Variants in C9 observed in about 807,000 individuals in gnomAD.
The protein encoded by C9 is complement component C9.
C9 carries 63 observed loss-of-function variants against 65.4 expected under a neutral mutation model. The observed-to-expected ratio is 0.96, with a 90% CI of 0.79 to 1.19. The LOEUF is 1.19. C9 is among the 50% of genes most tolerant of loss of function. The probability of loss-of-function intolerance (pLI) is 0.00; values close to 1 mark genes in which losing one functional copy is unlikely to be tolerated. For missense variants in C9, 744 were observed against 670.1 expected (o/e 1.11, Z -1.22); for synonymous variants, 229 against 227.9 (o/e 1.00, Z -0.04).
intron 1 of C9, 121 bp from the exon 2 acceptor site, chr5:39,342,317 T>C: frequency 1.6e-6 from 1 of 641,612 alleles, no homozygotes; most frequent in Non-Finnish European, 2.9e-6. Flanking sequence ...CTTATCTTTT[T>C]ACTATATCTC....
intron 4 of C9, among the ~76,000 whole-genome samples, chr5:39,336,601 A>G (rs1420381185): frequency 1.3e-5 from 2 of 152,130 alleles, no homozygotes; most frequent in Non-Finnish European, 1.5e-5. Context: ...TTAAATTAAT[A>G]TGTTGGTTCC....
Position 39,341,610 on chromosome 5 carries a change from C to T in C9, c.274G>A (p.Glu92Lys). Residue 92 changes from glutamate to lysine, a missense_variant, in exon 3 of 11, where the codon GAG becomes AAG. Coordinates refer to ENST00000263408, the MANE Select transcript of C9 (RefSeq NM_001737.5). ...VGDRRQCVPT[E>K]PCEDAEDDCG... ...TCATCCTCAGCATCCTCACAGGGCT[C>T]TGTGGGCACACACTGTCGTCTGTCT... The T allele has an allele frequency of 6.2e-7, 1 of 1,614,138 alleles. No homozygotes were observed. The highest frequency in any genetic ancestry group is 1.7e-4 in the Middle Eastern group (1 of 6,060).
chr5:39,347,388 A>G (rs1446760868), intron 1 of C9, among the ~76,000 whole-genome samples: 1 of 152,210 alleles, frequency 6.6e-6, no homozygotes, highest in Non-Finnish European at 1.5e-5. Context: ...ACAGACAAAC[A>G]GAGAGCCAAA....
At chr5:39,352,080 G>T (rs1297390222) in intron 1 of C9, among the ~76,000 whole-genome samples, 9 of 152,100 alleles carry the variant, frequency 5.9e-5, no homozygotes, top group Non-Finnish European at 1.3e-4. Flanking sequence ...ATGGTGGAAG[G>T]GTGAAGGGGA....
intron 4 of C9, among the ~76,000 whole-genome samples, chr5:39,339,639 T>G (rs1343487680): frequency 6.8e-6 from 1 of 146,624 alleles, no homozygotes; most frequent in Non-Finnish European, 1.5e-5. Flanking sequence ...CTCCAGATAC[T>G]GTCTTTTCTC....
intron 10 of C9, among the ~76,000 whole-genome samples, chr5:39,287,243 T>G (rs1753005430): frequency 6.6e-6 from 1 of 151,976 alleles, no homozygotes; most frequent in South Asian, 2.1e-4. Context: ...TTTTGAGGTT[T>G]TAGTTATAAA....
intron 6 of C9, among the ~76,000 whole-genome samples, chr5:39,311,995 G>A (rs1753493038): frequency 1.3e-5 from 2 of 152,098 alleles, no homozygotes; most frequent in African/African-American, 4.8e-5. Context: ...CTAAGCTGTG[G>A]TCAGATAAAT....
rs191850540 is a variant in C9 at position 39,315,787 on chromosome 5, A to G, written c.858T>C (p.Tyr286=). 6.2e-7 allele frequency: 1 copy of G among 1,600,634 alleles called. No individual in the cohort carries two copies. The highest frequency in any genetic ancestry group is 2.2e-5 in the East Asian group (1 of 44,710). ...TGTTTTGTCTTACCTTCTTTGAAGA[A>G]TATGACAAAAATAGTTGGTAAGTTT... The part of the protein sequence containing the change: ...KNETYQLFLS[Y]SSKKEKMFLH... The change falls in exon 6 of 11, where the codon TAT becomes TAC. Residue 286 remains tyrosine (Y), a synonymous_variant. Transcript: ENST00000263408.
At position 39,308,343 on chromosome 5, in the gene C9, T is replaced by G. The variant is rs1753418172; in HGVS notation, c.1127A>C (p.Asp376Ala). The G allele has an allele frequency of 6.3e-7, 1 of 1,594,424 alleles. No individual in the cohort carries two copies. Among genetic ancestry groups the G allele is most frequent in the Non-Finnish European group, 8.6e-7 (1 of 1,162,260 alleles). The change falls in exon 8 of 11, where the codon GAC becomes GCC. Residue 376 changes from aspartate (D) to alanine (A), a missense_variant. Coordinates refer to ENST00000263408, the MANE Select transcript of C9 (RefSeq NM_001737.5). The part of the protein sequence containing the change: ...SMKRKGVELK[D>A]IKRCLGYHLD... ...ATGATACCCAAGGCATCTCTTTATGTCTTTTAGTTCAACACCTGTTTAATG... is the reference window on the plus strand; with the variant it reads ...ATGATACCCAAGGCATCTCTTTATGGCTTTTAGTTCAACACCTGTTTAATG...
chr5:39,334,732 G>A lies in C9; in HGVS notation c.477-2918C>T, dbSNP rs372419442. Among the ~76,000 whole-genome samples, 933 of 151,380 alleles carry A rather than the reference G, an allele frequency of 6.2e-3. 19 individuals carry two copies. Among genetic ancestry groups the A allele is most frequent in the African/African-American group, 0.021 (846 of 41,004 alleles). ...CCCCGCCTGGCCAGCCACCCCGTCC[G>A]GGAGGTGAGGGGCGCCTCTGCCCGG... is the stretch of plus-strand genomic sequence containing the variant. On this transcript the variant is annotated intron_variant, in intron 4 of 10. Coordinates refer to ENST00000263408, the MANE Select transcript of C9 (RefSeq NM_001737.5).
rs369467784 is a variant in C9, at chr5:39,315,869, G to A, written c.776C>T (p.Ala259Val). 9.3e-6 allele frequency: 15 copies of A among 1,611,530 alleles called. No homozygotes were observed. The highest frequency in any genetic ancestry group is 2.7e-5 in the African/African-American group (2 of 74,976). ...CTTGCCATGTAAAGAAATTGAGGAGGCTGTTTCCTCACAACATTGTTCAGC... is the reference window on the plus strand; with the variant it reads ...CTTGCCATGTAAAGAAATTGAGGAGACTGTTTCCTCACAACATTGTTCAGC... Reference protein sequence around the residue: ...NKAEQCCEETASSISLHGKGS... With the variant: ...NKAEQCCEETVSSISLHGKGS... Residue 259 changes from alanine to valine, a missense_variant, in exon 6 of 11, where the codon GCC becomes GTC. Transcript: ENST00000263408.
intron 7 of C9, among the ~76,000 whole-genome samples, chr5:39,308,989 C>T (rs1392553052): frequency 1.3e-5 from 2 of 152,222 alleles, no homozygotes; most frequent in East Asian, 3.9e-4. Flanking sequence ...TGGTTCATCG[C>T]TTTGGACAGA....
intron 7 of C9, among the ~76,000 whole-genome samples, chr5:39,310,183 G>A (rs979315491): frequency 9.9e-5 from 15 of 152,066 alleles, no homozygotes; most frequent in African/African-American, 3.6e-4. Flanking sequence ...GCTGACCTTG[G>A]GGAGAATATC....
intron 9 of C9, among the ~76,000 whole-genome samples, chr5:39,302,866 T>C (rs1300110058): frequency 1.3e-5 from 2 of 152,158 alleles, no homozygotes; most frequent in Non-Finnish European, 2.9e-5. Context: ...ACCAATCAGG[T>C]AGAAGAACTC....
chr5:39,334,370 G>A (rs1414514103), intron 4 of C9, among the ~76,000 whole-genome samples: 3 of 148,816 alleles, frequency 2.0e-5, no homozygotes, highest in Non-Finnish European at 4.4e-5. Context: ...GAGACCCTCT[G>A]CCTGGCAACC....
chr5:39,353,020 T>C (rs982341840), intron 1 of C9, among the ~76,000 whole-genome samples: 23 of 152,136 alleles, frequency 1.5e-4, no homozygotes, highest in Admixed American at 1.5e-3. Flanking sequence ...ACACGGGCTC[T>C]TTAAAGGAGA....
At chr5:39,334,760 G>T (rs1345200188) in intron 4 of C9, among the ~76,000 whole-genome samples, 1 of 149,940 alleles carries the variant, frequency 6.7e-6, no homozygotes. Flanking sequence ...CTGCCCGGCC[G>T]CCCCTACTGG....
At position 39,284,259 on chromosome 5, in the gene C9, C is replaced by T. The variant is rs1752948245; in HGVS notation, c.*940G>A. 1 of 150,872 alleles carries T rather than the reference C, an allele frequency of 6.6e-6. No homozygotes were observed. The highest frequency in any genetic ancestry group is 2.4e-5 in the African/African-American group (1 of 40,950). 9.3% of individuals were successfully genotyped at this position (150,872 alleles called of 1,614,324 possible). ...ATTTTTTTATTTTGATATATTTTTC[C>T]TCTTTTCTTTCTTTCTTTCCTTTTT... On this transcript the variant is annotated 3_prime_UTR_variant, in exon 11 of 11. Coordinates refer to ENST00000263408, the MANE Select transcript of C9 (RefSeq NM_001737.5).
intron 1 of C9, among the ~76,000 whole-genome samples, chr5:39,356,819 G>T (rs1355696924): frequency 6.6e-6 from 1 of 152,168 alleles, no homozygotes; most frequent in African/African-American, 2.4e-5. Context: ...AACTCACTCA[G>T]CAGATCATCT....
Sources: gnomAD v4.1 joint callset for allele counts (sites outside exome capture counted in the v4.1 genomes callset) on GRCh38, gnomAD v4.1.1 for gene constraint, MANE v1.5 for transcripts, NCBI Gene and HGNC (gene_info 2026-07-23, HGNC 2026-07-21) for gene names.